Variants in PCDHA10 observed in about 807,000 individuals in gnomAD.
PCDHA10 encodes the protein protocadherin alpha 10.
A neutral mutation model predicts 61.2 loss-of-function variants in PCDHA10; 45 were observed. The ratio of observed to expected loss-of-function variants is 0.74; its 90% CI spans 0.58 to 0.94. PCDHA10 has a LOEUF of 0.94. Among genes scored for constraint, PCDHA10 ranks in the 40% least tolerant of loss-of-function variants. PCDHA10 has a pLI of 0.00. For synonymous variants in PCDHA10, 602 were observed against 548.8 expected (o/e 1.10, Z -1.35); for missense variants, 1,278 against 1,236.2 (o/e 1.03, Z -0.51).
intron 1 of PCDHA10, chr5:140,877,218 G>A: frequency 6.2e-7 from 1 of 1,613,726 alleles, no homozygotes; most frequent in Non-Finnish European, 8.5e-7. Context: ...AGTTGGTACC[G>A]CGGTCGGTGG....
chr5:140,977,345 T>C lies in PCDHA10; in HGVS notation c.2389-1604T>C, dbSNP rs139865600. Among the ~76,000 whole-genome samples, 25 of 152,342 alleles carry C rather than the reference T, an allele frequency of 1.6e-4. No homozygotes were observed. In the East Asian group the frequency reaches 4.8e-3, roughly 29 times the overall value. ...ATGGCGAGGGGAGAGACGGTGATGATGACTGATTGATAAAAAGTATTTTAG... is the reference window on the plus strand; with the variant it reads ...ATGGCGAGGGGAGAGACGGTGATGACGACTGATTGATAAAAAGTATTTTAG... On this transcript the variant is annotated intron_variant, in intron 1 of 3. Transcript: ENST00000307360.
intron 1 of PCDHA10, chr5:140,875,355 T>A: frequency 6.9e-7 from 1 of 1,446,356 alleles, no homozygotes; most frequent in African/African-American, 1.4e-5. Context: ...ATGACTGTGA[T>A]GCTGGAAAAA....
chr5:141,009,563 C>A, intron 3 of PCDHA10, 64 bp from the exon 4 acceptor site: 1 of 1,571,920 alleles, frequency 6.4e-7, no homozygotes, highest in Non-Finnish European at 8.6e-7. Flanking sequence ...TGTACTCTAC[C>A]AGCAGTGTGG....
At chr5:140,862,744 C>T in intron 1 of PCDHA10, 1 of 577,744 alleles carries the variant, frequency 1.7e-6, no homozygotes, top group South Asian at 1.4e-5. Flanking sequence ...TGTGTGGGTG[C>T]ACGCGGAGAG....
chr5:140,883,486 A>G (rs2059636103), intron 1 of PCDHA10: 1 of 1,614,016 alleles, frequency 6.2e-7, no homozygotes, highest in Non-Finnish European at 8.5e-7. Context: ...ACTACTACTC[A>G]TTAGTGCTGG....
rs186574903 is a variant in PCDHA10, at chr5:140,898,271, A to T, written c.2388+39835A>T. On this transcript the variant is annotated intron_variant, in intron 1 of 3. Transcript: ENST00000307360. The stretch of plus-strand genomic sequence containing the variant: ...AGACATGAAGTCCTTGCCCATGCCT[A>T]AGTTCTGAATGGTAATGCCTAGGTT... 4.6e-3 allele frequency among the ~76,000 whole-genome samples: 703 copies of T among 152,290 alleles called. 3 individuals carry two copies. The highest frequency in any genetic ancestry group is 0.016 in the African/African-American group (680 of 41,550).
At chr5:140,979,083 C>T (rs563728648) in intron 2 of PCDHA10, 76 bp downstream of exon 2, 207 of 1,562,578 alleles carry the variant, frequency 1.3e-4, no homozygotes, top group Admixed American at 6.5e-4. Context: ...TCTCCATAGG[C>T]CAGAAGCAGC....
chr5:140,950,071 T>C (rs560042578), intron 1 of PCDHA10, among the ~76,000 whole-genome samples: 20 of 152,098 alleles, frequency 1.3e-4, no homozygotes, highest in African/African-American at 4.8e-4. Context: ...TCCTGTGCCA[T>C]TGCTTATGCT....
chr5:140,882,124 C>T (rs1166492594), intron 1 of PCDHA10: 2 of 1,459,646 alleles, frequency 1.4e-6, no homozygotes, highest in African/African-American at 1.4e-5. Flanking sequence ...CCGTTTCTTT[C>T]TTCCTGCAGA....
At chr5:140,858,494 C>A (rs1451749220) in intron 1 of PCDHA10, 58 bp downstream of exon 1, 1 of 1,482,778 alleles carries the variant, frequency 6.7e-7, no homozygotes. Context: ...TTTCTCTTAC[C>A]GCATTTTCTC....
At chr5:140,884,354 G>A (rs2060118274) in intron 1 of PCDHA10, 1 of 1,613,952 alleles carries the variant, frequency 6.2e-7, no homozygotes, top group African/African-American at 1.3e-5. Context: ...GCTGGTGGAT[G>A]TCAATGTTTA....
At position 141,005,925 on chromosome 5, in the gene PCDHA10, T is replaced by C. The variant is rs368127914; in HGVS notation, c.2537-3702T>C. On this transcript the variant is annotated intron_variant, in intron 3 of 3. Transcript: ENST00000307360. ...TTGCACCACTGCACTTCAGCCTGGT[T>C]GACAGAGTGAGAACCTATCTCTAAC... 4.1e-4 allele frequency among the ~76,000 whole-genome samples: 62 copies of C among 151,990 alleles called. 1 individual carries two copies. The highest frequency in any genetic ancestry group is 1.4e-3 in the African/African-American group (59 of 41,476).
At chr5:140,887,048 A>G (rs997240150) in intron 1 of PCDHA10, among the ~76,000 whole-genome samples, 21 of 152,068 alleles carry the variant, frequency 1.4e-4, no homozygotes, top group Admixed American at 1.4e-3. Context: ...TTTATAGTGC[A>G]TATGTTCTGG....
chr5:140,869,318 G>A (rs1373742506), intron 1 of PCDHA10: 1 of 1,613,688 alleles, frequency 6.2e-7, no homozygotes, highest in South Asian at 1.1e-5. Flanking sequence ...AAAACACATG[G>A]GGACCTTCTG....
At chr5:140,991,409 T>C (rs1554252146) in intron 3 of PCDHA10, among the ~76,000 whole-genome samples, 2 of 152,232 alleles carry the variant, frequency 1.3e-5, no homozygotes, top group Non-Finnish European at 1.5e-5. Flanking sequence ...TTTCCCATTA[T>C]GCTATAACAA....
chr5:140,872,711 G>A (rs968537483), intron 1 of PCDHA10, among the ~76,000 whole-genome samples: 1 of 152,206 alleles, frequency 6.6e-6, no homozygotes, highest in South Asian at 2.1e-4. Context: ...AAGGAAACTA[G>A]GTAAATAAAA....
intron 1 of PCDHA10, chr5:140,871,269 G>C (rs782046462): frequency 5.0e-6 from 8 of 1,613,822 alleles, no homozygotes; most frequent in Admixed American, 1.7e-5. Flanking sequence ...CGCTGTGGTG[G>C]TCGGCAACGC....
At chr5:141,004,573 G>A (rs2098171340) in intron 3 of PCDHA10, among the ~76,000 whole-genome samples, 1 of 152,220 alleles carries the variant, frequency 6.6e-6, no homozygotes, top group South Asian at 2.1e-4. Context: ...ATATCTCTGT[G>A]TTCTGCATCT....
In PCDHA10 at chr5:140,929,359, C is replaced by T; in HGVS notation, c.2389-49590C>T. 3.3e-6 allele frequency: 5 copies of T among 1,522,308 alleles called. No homozygotes were observed. In the South Asian group the frequency reaches 6.6e-5, roughly 20 times the overall value. 94.3% of individuals were successfully genotyped at this position (1,522,308 alleles called of 1,614,324 possible). ...ATTTTATGGAATTTGATTCCTTTGG[C>T]CCGGAGATGGCTGCTAGCTGTGTTT... On this transcript the variant is annotated intron_variant, in intron 1 of 3. Transcript: ENST00000307360.
Sources: gnomAD v4.1 joint callset for allele counts (sites outside exome capture counted in the v4.1 genomes callset) on GRCh38, gnomAD v4.1.1 for gene constraint, MANE v1.5 for transcripts, NCBI Gene and HGNC (gene_info 2026-07-23, HGNC 2026-07-21) for gene names.